Variants in NHS observed in about 807,000 individuals in gnomAD.
NHS encodes the protein actin remodeling regulator NHS.
In NHS, 5 loss-of-function variants were observed where a neutral mutation model predicts 72.5. The ratio of observed to expected loss-of-function variants is 0.07; its 90% CI spans 0.04 to 0.14. The LOEUF (loss-of-function observed/expected upper bound fraction) is 0.14, where lower values mean the gene tolerates loss of function less well. NHS is among the 10% of genes least tolerant of loss of function. The probability of loss-of-function intolerance (pLI) is 1.00; values close to 1 mark genes in which losing one functional copy is unlikely to be tolerated. For missense variants in NHS, 1,072 were observed against 1,355.7 expected (o/e 0.79, Z 3.29); for synonymous variants, 464 against 547.7 (o/e 0.85, Z 2.13).
intron 1 of NHS, among the ~76,000 whole-genome samples, chrX:17,623,235 G>A (rs1429744137): frequency 3.6e-5 from 4 of 112,206 alleles, no homozygotes; most frequent in African/African-American, 6.5e-5. Flanking sequence ...CACTGTGGCC[G>A]GCCCTCAATG....
At chrX:17,719,772 A>G (rs753229885) in intron 4 of NHS, among the ~76,000 whole-genome samples, 2 of 111,725 alleles carry the variant, frequency 1.8e-5, no homozygotes, top group African/African-American at 3.3e-5. Flanking sequence ...CTGGCAGCCA[A>G]TCGTCCTGTC....
intron 1 of NHS, among the ~76,000 whole-genome samples, chrX:17,455,553 TAGA>T (rs371953877): frequency 0.011 from 1,183 of 112,206 alleles, 15 homozygotes; most frequent in African/African-American, 0.036. Flanking sequence ...GGTCAAGTGG[TAGA>T]ACTGGAAATT....
At chrX:17,698,271 C>T in intron 3 of NHS, among the ~76,000 whole-genome samples, 1 of 111,355 alleles carries the variant, frequency 9.0e-6, no homozygotes, top group South Asian at 3.7e-4. Flanking sequence ...GGAAAAAATA[C>T]CACTGAAACA....
At chrX:17,553,627 T>TG (rs949280022) in intron 1 of NHS, among the ~76,000 whole-genome samples, 7 of 111,357 alleles carry the variant, frequency 6.3e-5, no homozygotes, top group African/African-American at 2.3e-4. Flanking sequence ...GATTTATTAG[T>TG]GAAAAAAAAC....
intron 1 of NHS, among the ~76,000 whole-genome samples, chrX:17,563,829 G>T (rs1352822836): frequency 9.1e-6 from 1 of 110,378 alleles, no homozygotes; most frequent in Non-Finnish European, 1.9e-5. Flanking sequence ...GAGAGGAAAG[G>T]TACACAAGGA....
intron 3 of NHS, among the ~76,000 whole-genome samples, chrX:17,713,686 T>G (rs966760357): frequency 3.6e-5 from 4 of 112,048 alleles, no homozygotes; most frequent in South Asian, 3.8e-4. Context: ...GATTATTTTT[T>G]CTTTTGGTAG....
At chrX:17,383,507 C>A (rs765114732) in intron 1 of NHS, among the ~76,000 whole-genome samples, 1 of 111,902 alleles carries the variant, frequency 8.9e-6, no homozygotes, top group Non-Finnish European at 1.9e-5. Flanking sequence ...GAGCCATGGC[C>A]AGGAAGGCCT....
intron 1 of NHS, among the ~76,000 whole-genome samples, chrX:17,494,620 TC>T (rs1214286244): frequency 5.4e-5 from 6 of 111,684 alleles, no homozygotes; most frequent in Admixed American, 9.5e-5. Context: ...TTCTGGGATA[TC>T]CTTCTCCCTA....
chrX:17,471,301 A>G (rs940811719), intron 1 of NHS, among the ~76,000 whole-genome samples: 2 of 112,150 alleles, frequency 1.8e-5, no homozygotes, highest in Non-Finnish European at 3.8e-5. Flanking sequence ...GTTTGAGTGC[A>G]GAGACCATAG....
At chrX:17,526,463 G>A (rs760206958) in intron 1 of NHS, among the ~76,000 whole-genome samples, 5 of 112,171 alleles carry the variant, frequency 4.5e-5, no homozygotes, top group Non-Finnish European at 7.5e-5. Context: ...AAGGCCTTTC[G>A]AGATCCAGGC....
intron 1 of NHS, among the ~76,000 whole-genome samples, chrX:17,609,544 G>A (rs2065698585): frequency 8.9e-6 from 1 of 111,958 alleles, no homozygotes; most frequent in East Asian, 2.8e-4. Context: ...ATTATGAAGG[G>A]CTTCCAATAC....
intron 1 of NHS, among the ~76,000 whole-genome samples, chrX:17,539,021 C>A (rs755487405): frequency 1.8e-5 from 2 of 112,490 alleles, no homozygotes; most frequent in South Asian, 7.3e-4. Context: ...ATGATGGGCA[C>A]ATGCCCTCTA....
intron 1 of NHS, among the ~76,000 whole-genome samples, chrX:17,416,116 T>C (rs2064592928): frequency 1.8e-5 from 2 of 111,501 alleles, no homozygotes; most frequent in African/African-American, 3.3e-5. Context: ...TGGGTGGACA[T>C]ACACTGATAA....
At chrX:17,516,356 C>G (rs749607745) in intron 1 of NHS, among the ~76,000 whole-genome samples, 1 of 111,149 alleles carries the variant, frequency 9.0e-6, no homozygotes, top group Admixed American at 9.6e-5. Flanking sequence ...TTTTGAAAGG[C>G]AGGAAGATTG....
At chrX:17,533,886 A>G (rs1439894363) in intron 1 of NHS, among the ~76,000 whole-genome samples, 2 of 112,859 alleles carry the variant, frequency 1.8e-5, no homozygotes, top group East Asian at 2.8e-4. Context: ...GTCTAACACT[A>G]TGTCCAATAA....
Position 17,721,464 on chromosome X carries a change from T to C in NHS, c.939T>C (p.Asp313=). 8.3e-7 allele frequency: 1 copy of C among 1,211,576 alleles called. No homozygotes were observed. The highest frequency in any genetic ancestry group is 3.0e-5 in the East Asian group (1 of 33,820). The change falls in exon 5 of 9, where the codon GAT becomes GAC. Residue 313 remains aspartate (D), a synonymous_variant. Transcript: ENST00000676302. ...SRKSHPPEDE[D]TDVMLGQRPK... is the part of the protein sequence containing the mutation. Reference sequence around the variant, plus strand: ...AGTCCCATCCCCCAGAGGATGAAGATACAGATGTCATGTTAGGGCAGAGGC... The same window carrying C: ...AGTCCCATCCCCCAGAGGATGAAGACACAGATGTCATGTTAGGGCAGAGGC...
chrX:17,446,747 T>A (rs1396449197), intron 1 of NHS, among the ~76,000 whole-genome samples: 1 of 111,403 alleles, frequency 9.0e-6, no homozygotes, highest in Non-Finnish European at 1.9e-5. Context: ...TTTTGGTGTA[T>A]ATCCTTCGGG....
chrX:17,684,524 G>A (rs1227348371), intron 1 of NHS, among the ~76,000 whole-genome samples: 1 of 110,832 alleles, frequency 9.0e-6, no homozygotes, highest in Non-Finnish European at 1.9e-5. Context: ...TGAAGTTGTA[G>A]GAGTGAGGCC....
intron 1 of NHS, among the ~76,000 whole-genome samples, chrX:17,426,457 T>C (rs112661967): frequency 0.015 from 1,633 of 112,084 alleles, 34 homozygotes; most frequent in African/African-American, 0.05. Context: ...AGGAGATCAC[T>C]AGGGTAATGA....
Sources: allele counts gnomAD v4.1 joint callset (sites outside exome capture counted in the v4.1 genomes callset), GRCh38; gene constraint gnomAD v4.1.1; transcripts MANE v1.5; gene names NCBI Gene and HGNC (gene_info 2026-07-23, HGNC 2026-07-21).